LOC400499: variants seen among roughly 807,000 people sequenced by gnomAD.
the LOC400499 span, among the ~76,000 whole-genome samples, chr16:11,512,217 G>T: frequency 6.6e-6 from 1 of 151,978 alleles, no homozygotes; most frequent in African/African-American, 2.4e-5. Context: ...GGAAGGAGGA[G>T]GTTACAGTGA....
chr16:11,389,241 AC>A, the LOC400499 span, among the ~76,000 whole-genome samples: 4 of 151,200 alleles, frequency 2.6e-5, no homozygotes, highest in Non-Finnish European at 5.9e-5. Flanking sequence ...CATAGGATCC[AC>A]CCCCCCATCT....
the LOC400499 span, among the ~76,000 whole-genome samples, chr16:11,453,850 C>CA: frequency 6.6e-6 from 1 of 152,044 alleles, no homozygotes; most frequent in African/African-American, 2.4e-5. Flanking sequence ...AAAAGAGAAA[C>CA]AGAGAAAACA....
chr16:11,500,536 A>AATAATAATAATAATAATC, the LOC400499 span, among the ~76,000 whole-genome samples: 3 of 150,824 alleles, frequency 2.0e-5, no homozygotes, highest in Non-Finnish European at 4.4e-5. Context: ...TAATAATAAT[A>AATAATAATAATAATAATC]ATCAGAAAAG....
chr16:11,389,845 A>AGCT, the LOC400499 span, among the ~76,000 whole-genome samples: 1 of 152,128 alleles, frequency 6.6e-6, no homozygotes, highest in Admixed American at 6.5e-5. Context: ...AGTAAAAGTG[A>AGCT]GCTTCCTGAA....
chr16:11,413,397 C>G, the LOC400499 span, among the ~76,000 whole-genome samples: 1 of 152,106 alleles, frequency 6.6e-6, no homozygotes. Flanking sequence ...TGGACTGGGG[C>G]AGGGGTTGCT....
At chr16:11,396,139 C>A in the LOC400499 span, among the ~76,000 whole-genome samples, 3 of 152,226 alleles carry the variant, frequency 2.0e-5, no homozygotes, top group African/African-American at 7.2e-5. Flanking sequence ...CAATATTAAC[C>A]CCATGGGAGA....
chr16:11,398,367 C>T, the LOC400499 span: 2 of 1,232,266 alleles, frequency 1.6e-6, no homozygotes, highest in Non-Finnish European at 1.0e-6. Context: ...GTCACAGAGC[C>T]CCAGGTGGAG....
At chr16:11,474,153 G>A in the LOC400499 span, among the ~76,000 whole-genome samples, 11 of 152,294 alleles carry the variant, frequency 7.2e-5, no homozygotes, top group South Asian at 2.1e-4. Context: ...GCTATCCGCC[G>A]GCCAGATAGT....
the LOC400499 span, chr16:11,449,034 G>A: frequency 1.3e-6 from 2 of 1,513,548 alleles, no homozygotes; most frequent in African/African-American, 1.4e-5. Context: ...GCCCTGCACT[G>A]CTGCGTTCCA....
the LOC400499 span, chr16:11,392,896 T>C: frequency 7.0e-6 from 5 of 717,130 alleles, 1 homozygote; most frequent in Non-Finnish European, 8.6e-6. Context: ...CTCTGTCGCC[T>C]AGGCTGGTGT....
At chr16:11,479,242 C>T in the LOC400499 span, among the ~76,000 whole-genome samples, 1 of 152,128 alleles carries the variant, frequency 6.6e-6, no homozygotes, top group African/African-American at 2.4e-5. Context: ...CTGACTTGCA[C>T]AGTAGTGCCC....
chr16:11,394,393 C>T, the LOC400499 span, among the ~76,000 whole-genome samples: 1 of 152,222 alleles, frequency 6.6e-6, no homozygotes, highest in Non-Finnish European at 1.5e-5. Context: ...CCAGACACTG[C>T]AGCTAACAAG....
the LOC400499 span, chr16:11,440,594 G>T: frequency 5.0e-6 from 2 of 397,604 alleles, no homozygotes; most frequent in Middle Eastern, 6.3e-4. Flanking sequence ...GCCAAAATAA[G>T]GGCTGTGCTG....
At chr16:11,449,476 C>T in the LOC400499 span, among the ~76,000 whole-genome samples, 5 of 152,100 alleles carry the variant, frequency 3.3e-5, no homozygotes, top group Admixed American at 6.5e-5. Flanking sequence ...CCATGGTCTT[C>T]GGGAGTCCTA....
the LOC400499 span, among the ~76,000 whole-genome samples, chr16:11,430,798 C>G: frequency 7.9e-5 from 12 of 152,196 alleles, no homozygotes; most frequent in Admixed American, 7.9e-4. Flanking sequence ...GTTAAAGGCT[C>G]TGACAAGTCC....
the LOC400499 span, chr16:11,460,456 G>A: frequency 2.2e-5 from 33 of 1,510,594 alleles, no homozygotes; most frequent in African/African-American, 1.2e-4. Flanking sequence ...TCCGGATGTC[G>A]CACCTGGCCT....
the LOC400499 span, chr16:11,514,238 C>G: frequency 2.5e-6 from 1 of 398,004 alleles, no homozygotes; most frequent in Non-Finnish European, 4.4e-6. Context: ...CCATTTTCAG[C>G]AATAGGTCAG....
At chr16:11,443,299 G>C in the LOC400499 span, 1 of 363,248 alleles carries the variant, frequency 2.8e-6, no homozygotes, top group Non-Finnish European at 5.1e-6. Flanking sequence ...ACCCTAGCCT[G>C]GGCAACAGAG....
At chr16:11,384,109 G>C in the LOC400499 span, 3 of 1,224,864 alleles carry the variant, frequency 2.4e-6, no homozygotes, top group East Asian at 3.2e-5. Context: ...CTGGGCCTAC[G>C]AAGTCCTCTG....
Sources: gnomAD v4.1 joint callset for allele counts (sites outside exome capture counted in the v4.1 genomes callset) on GRCh38, gnomAD v4.1.1 for gene constraint, MANE v1.5 for transcripts.